Variants in CDH2 observed in about 807,000 individuals in gnomAD.
CDH2 encodes cadherin 2.
CDH2 carries 17 observed loss-of-function variants against 92.0 expected under a neutral mutation model. The observed-to-expected ratio is 0.18, with a 90% CI of 0.13 to 0.28. The LOEUF (loss-of-function observed/expected upper bound fraction) is 0.28, where lower values mean the gene tolerates loss of function less well. Ranked by LOEUF, CDH2 falls within the 10% of genes least tolerant of loss-of-function variation. The pLI is 1.00. For missense variants in CDH2, 862 were observed against 1,133.1 expected, an observed-to-expected ratio of 0.76 and a Z score of 3.44; for synonymous variants, 419 against 415.9, an observed-to-expected ratio of 1.01 and a Z score of -0.09.
chr18:27,980,144 C>T (rs1451790180), intron 14 of CDH2, among the ~76,000 whole-genome samples: 4 of 152,126 alleles, frequency 2.6e-5, no homozygotes, highest in Non-Finnish European at 4.4e-5. Context: ...CTTTAAAAAC[C>T]GTAAGGATAA....
chr18:28,043,466 ATATAT>A (rs2013993997), intron 2 of CDH2, among the ~76,000 whole-genome samples: 2 of 83,024 alleles, frequency 2.4e-5, no homozygotes, highest in African/African-American at 6.7e-5. Flanking sequence ...AAATAAATAT[ATATAT>A]ATATATATAT....
intron 2 of CDH2, among the ~76,000 whole-genome samples, chr18:28,115,339 T>G (rs2015479200): frequency 6.6e-6 from 1 of 152,196 alleles, no homozygotes; most frequent in Non-Finnish European, 1.5e-5. Flanking sequence ...GTTACTCCCC[T>G]GTTCTCCAGA....
rs375309495 is a variant in CDH2 at position 28,006,542 on chromosome 18, A to AC, written c.703-550dup. Among the ~76,000 whole-genome samples, 1,458 of 150,416 alleles carry AC rather than the reference A, an allele frequency of 9.7e-3. 25 individuals carry two copies. The highest frequency in any genetic ancestry group is 0.035 in the African/African-American group (1,409 of 40,830). ...AGACCAGCCTGGCCAACATGGCGAA[A>AC]CCCCGTCTCTACTAAAAATACAAAA... On this transcript the variant is annotated intron_variant, in intron 5 of 15. Transcript: ENST00000269141.
At chr18:28,024,639 T>G (rs954326150) in intron 2 of CDH2, among the ~76,000 whole-genome samples, 8 of 151,606 alleles carry the variant, frequency 5.3e-5, no homozygotes, top group Non-Finnish European at 1.5e-5. Flanking sequence ...ATAACCAAAA[T>G]ATATTTTGAA....
At chr18:28,172,566 A>T (rs2016480997) in intron 1 of CDH2, among the ~76,000 whole-genome samples, 1 of 152,176 alleles carries the variant, frequency 6.6e-6, no homozygotes, top group African/African-American at 2.4e-5. Flanking sequence ...GGTACCAATT[A>T]TGTTTCAACT....
At chr18:28,137,829 A>G (rs1398588769) in intron 2 of CDH2, among the ~76,000 whole-genome samples, 1 of 152,128 alleles carries the variant, frequency 6.6e-6, no homozygotes, top group Non-Finnish European at 1.5e-5. Flanking sequence ...GATCTAAAGC[A>G]GTCATAACTG....
intron 14 of CDH2, among the ~76,000 whole-genome samples, chr18:27,969,596 T>G (rs923425361): frequency 5.3e-5 from 8 of 152,236 alleles, no homozygotes; most frequent in Non-Finnish European, 8.8e-5. Context: ...TAGACTTGAT[T>G]CCACAAATTC....
intron 2 of CDH2, among the ~76,000 whole-genome samples, chr18:28,089,699 C>T (rs1360013268): frequency 6.6e-6 from 1 of 152,148 alleles, no homozygotes; most frequent in Admixed American, 6.6e-5. Context: ...CAACCTGTAA[C>T]TGGTTTTCTT....
intron 5 of CDH2, among the ~76,000 whole-genome samples, chr18:28,009,309 TAAGA>T (rs2013029075): frequency 6.6e-6 from 1 of 152,082 alleles, no homozygotes; most frequent in Non-Finnish European, 1.5e-5. Context: ...AAATTCAAAA[TAAGA>T]AAGGAATAGG....
intron 2 of CDH2, among the ~76,000 whole-genome samples, chr18:28,139,377 C>T (rs2015916496): frequency 6.6e-6 from 1 of 151,902 alleles, no homozygotes; most frequent in African/African-American, 2.4e-5. Flanking sequence ...CTCAGTTGAC[C>T]CCACTTCTCT....
Position 28,135,960 on chromosome 18 carries a change from A to G in CDH2, c.172+11713T>C, listed in dbSNP as rs900868431. Among the ~76,000 whole-genome samples, 7 of 152,360 alleles carry G rather than the reference A, an allele frequency of 4.6e-5. No individual in the cohort carries two copies. The East Asian group carries it at 1.2e-3, about 25-fold the overall frequency. On this transcript the variant is annotated intron_variant, in intron 2 of 15. Coordinates refer to ENST00000269141, the MANE Select transcript of CDH2 (RefSeq NM_001792.5). Reference sequence around the variant, plus strand: ...GCACTGGCATTTTCCAAGGAAATACATAGTTACTTCCTTACACAAAACATA... The same window carrying G: ...GCACTGGCATTTTCCAAGGAAATACGTAGTTACTTCCTTACACAAAACATA...
chr18:28,173,664 T>C (rs1011295114), intron 1 of CDH2, among the ~76,000 whole-genome samples: 3 of 152,168 alleles, frequency 2.0e-5, no homozygotes, highest in African/African-American at 7.2e-5. Flanking sequence ...TGAATTTCTA[T>C]GAACATTAAA....
At chr18:28,123,003 T>C (rs1019827781) in intron 2 of CDH2, among the ~76,000 whole-genome samples, 4 of 152,136 alleles carry the variant, frequency 2.6e-5, no homozygotes, top group Non-Finnish European at 5.9e-5. Context: ...AATGTTAAGA[T>C]ATGGTAGCCA....
chr18:28,034,088 T>A (rs1026483616), intron 2 of CDH2, among the ~76,000 whole-genome samples: 1 of 151,886 alleles, frequency 6.6e-6, no homozygotes, highest in Non-Finnish European at 1.5e-5. Context: ...TGAAAAAAAA[T>A]AAAAAGAGCA....
At chr18:27,975,247 A>G (rs1245289099) in intron 14 of CDH2, among the ~76,000 whole-genome samples, 1 of 152,182 alleles carries the variant, frequency 6.6e-6, no homozygotes, top group African/African-American at 2.4e-5. Context: ...CACAAGGGCC[A>G]AGAACCCAAG....
chr18:28,092,027 C>T (rs775447448), intron 2 of CDH2, among the ~76,000 whole-genome samples: 1 of 151,770 alleles, frequency 6.6e-6, no homozygotes, highest in Non-Finnish European at 1.5e-5. Flanking sequence ...TGCCTGTGTC[C>T]TAAGAACACC....
chr18:28,139,070 C>T (rs902389493), intron 2 of CDH2, among the ~76,000 whole-genome samples: 1 of 151,874 alleles, frequency 6.6e-6, no homozygotes, highest in African/African-American at 2.4e-5. Flanking sequence ...GTGAAGAAAA[C>T]CTTCTGCTGA....
intron 14 of CDH2, among the ~76,000 whole-genome samples, chr18:27,976,258 C>T (rs1252525456): frequency 6.6e-6 from 1 of 152,144 alleles, no homozygotes; most frequent in Non-Finnish European, 1.5e-5. Flanking sequence ...CTCCTTGAAC[C>T]AGAACTCATG....
intron 2 of CDH2, among the ~76,000 whole-genome samples, chr18:28,078,988 T>C (rs1462247724): frequency 6.6e-6 from 1 of 152,232 alleles, no homozygotes; most frequent in Non-Finnish European, 1.5e-5. Flanking sequence ...TCTGCTTATC[T>C]TGTTTTACTA....
Sources: allele counts gnomAD v4.1 joint callset (sites outside exome capture counted in the v4.1 genomes callset), GRCh38; gene constraint gnomAD v4.1.1; transcripts MANE v1.5; gene names NCBI Gene and HGNC (gene_info 2026-07-23, HGNC 2026-07-21).